Variants in ZNF423 observed in about 807,000 individuals in gnomAD.
The protein encoded by ZNF423 is Ebf-associated zinc finger protein.
A neutral mutation model predicts 95.8 loss-of-function variants in ZNF423; 12 were observed. That is an observed-to-expected ratio of 0.13 (90% CI 0.08 to 0.20). The LOEUF (loss-of-function observed/expected upper bound fraction) is 0.20, where lower values mean the gene tolerates loss of function less well. Ranked by LOEUF, ZNF423 falls within the 10% of genes least tolerant of loss-of-function variation. The probability of loss-of-function intolerance (pLI) is 1.00; values close to 1 mark genes in which losing one functional copy is unlikely to be tolerated. For missense variants in ZNF423, 1,316 were observed against 1,737.1 expected (o/e 0.76, Z 4.31); for synonymous variants, 749 against 711.9 (o/e 1.05, Z -0.83).
intron 1 of ZNF423, among the ~76,000 whole-genome samples, chr16:49,826,552 C>A (rs2035007116): frequency 6.6e-6 from 1 of 152,176 alleles, no homozygotes; most frequent in African/African-American, 2.4e-5. Flanking sequence ...TAACCCTGTT[C>A]CTTGCCTGTG....
At chr16:49,696,310 T>C (rs1359754634) in intron 3 of ZNF423, among the ~76,000 whole-genome samples, 1 of 152,050 alleles carries the variant, frequency 6.6e-6, no homozygotes, top group Non-Finnish European at 1.5e-5. Flanking sequence ...TCCTCATACA[T>C]GGGGTATTAT....
At chr16:49,678,932 A>C (rs777528409) in intron 3 of ZNF423, among the ~76,000 whole-genome samples, 1 of 152,210 alleles carries the variant, frequency 6.6e-6, no homozygotes, top group Non-Finnish European at 1.5e-5. Context: ...GCACTGGCTC[A>C]CAACACCAGC....
chr16:49,563,939 T>C (rs1385993471), intron 5 of ZNF423, among the ~76,000 whole-genome samples: 1 of 152,224 alleles, frequency 6.6e-6, no homozygotes, highest in Non-Finnish European at 1.5e-5. Flanking sequence ...TGGGCCAAGG[T>C]CATGCACAGC....
chr16:49,580,806 G>A (rs761283414), intron 5 of ZNF423, among the ~76,000 whole-genome samples: 36 of 152,192 alleles, frequency 2.4e-4, no homozygotes, highest in Non-Finnish European at 4.0e-4. Flanking sequence ...TGCTTCCAAC[G>A]AGCAGGCAGC....
intron 1 of ZNF423, among the ~76,000 whole-genome samples, chr16:49,817,433 G>C (rs1164930058): frequency 6.6e-6 from 1 of 152,208 alleles, no homozygotes; most frequent in Non-Finnish European, 1.5e-5. Flanking sequence ...CCAGATGAGG[G>C]TCTGGAAAGG....
intron 3 of ZNF423, among the ~76,000 whole-genome samples, chr16:49,648,301 A>G (rs190245460): frequency 7.7e-4 from 117 of 152,306 alleles, no homozygotes; most frequent in Non-Finnish European, 1.4e-3. Flanking sequence ...TGTGGAAGGT[A>G]TGGGCTGGTT....
In ZNF423 at chr16:49,657,727, C is replaced by T. The variant is rs115031985; in HGVS notation, c.302-18853G>A. On this transcript the variant is annotated intron_variant, in intron 3 of 7. Coordinates refer to ENST00000563137, the MANE Select transcript of ZNF423 (RefSeq NM_001379286.1). ...GGCCTTTCCCTGGCCCTGTCTCCTCCGTCCTACTTCCTGGGAGTGCCTCCT... is the reference window on the plus strand; with the variant it reads ...GGCCTTTCCCTGGCCCTGTCTCCTCTGTCCTACTTCCTGGGAGTGCCTCCT... Among the ~76,000 whole-genome samples, 170 of 152,342 alleles carry T rather than the reference C, an allele frequency of 1.1e-3. 1 individual carries two copies. Among genetic ancestry groups the T allele is most frequent in the African/African-American group, 3.5e-3 (144 of 41,582 alleles).
At chr16:49,500,252 T>C (rs1439692472) in intron 7 of ZNF423, among the ~76,000 whole-genome samples, 1 of 152,074 alleles carries the variant, frequency 6.6e-6, no homozygotes, top group Non-Finnish European at 1.5e-5. Context: ...CTAAGCCCCT[T>C]GGGGACAGGG....
At chr16:49,646,329 C>T (rs1347213700) in intron 3 of ZNF423, among the ~76,000 whole-genome samples, 1 of 152,150 alleles carries the variant, frequency 6.6e-6, no homozygotes, top group Non-Finnish European at 1.5e-5. Flanking sequence ...GGGCATATTC[C>T]TGATCACTTC....
intron 1 of ZNF423, among the ~76,000 whole-genome samples, chr16:49,798,088 T>C (rs2034527125): frequency 6.6e-6 from 1 of 152,182 alleles, no homozygotes; most frequent in Admixed American, 6.5e-5. Context: ...TATGTGCCTG[T>C]CATCCCAGCA....
intron 1 of ZNF423, among the ~76,000 whole-genome samples, chr16:49,798,171 C>T (rs1301728849): frequency 1.7e-4 from 26 of 152,322 alleles, no homozygotes; most frequent in South Asian, 6.2e-4. Context: ...GATCACATCA[C>T]TGCACTTCAG....
intron 2 of ZNF423, among the ~76,000 whole-genome samples, chr16:49,736,334 C>A (rs139242550): frequency 6.6e-5 from 10 of 152,282 alleles, no homozygotes; most frequent in African/African-American, 1.9e-4. Context: ...CCTGTCCTGC[C>A]AGCTTCTTCC....
intron 5 of ZNF423, among the ~76,000 whole-genome samples, chr16:49,588,001 C>G (rs1970896582): frequency 6.6e-6 from 1 of 152,174 alleles, no homozygotes; most frequent in Admixed American, 6.5e-5. Flanking sequence ...GGAATTTGCA[C>G]ATCTATGTGT....
At chr16:49,510,163 C>T (rs1307032343) in intron 7 of ZNF423, among the ~76,000 whole-genome samples, 2 of 152,234 alleles carry the variant, frequency 1.3e-5, no homozygotes, top group African/African-American at 2.4e-5. Context: ...ATGTTGCCTC[C>T]TCCATGTGGC....
At chr16:49,809,506 G>T (rs775207662) in intron 1 of ZNF423, among the ~76,000 whole-genome samples, 76 of 152,162 alleles carry the variant, frequency 5.0e-4, no homozygotes, top group Non-Finnish European at 9.1e-4. Context: ...TGTGTGTAGT[G>T]GAACTCACAC....
intron 3 of ZNF423, among the ~76,000 whole-genome samples, chr16:49,639,717 G>T (rs1972904514): frequency 6.6e-6 from 1 of 152,190 alleles, no homozygotes. Flanking sequence ...GACCCAGGCG[G>T]ACCCTTAACC....
chr16:49,855,024 T>G lies in ZNF423; in HGVS notation c.40+711A>C. 1 of 983,862 alleles carries G rather than the reference T, an allele frequency of 1.0e-6. No homozygotes were observed. Among genetic ancestry groups the G allele is most frequent in the Non-Finnish European group, 1.2e-6 (1 of 829,500 alleles). The allele number at this position is 983,862 out of a possible 1,614,324, so 60.9% of individuals were successfully genotyped here. ...CGCTGAGCTCCCCTGAGGACCTGCG[T>G]CCCGCCGGCGCCGTGCAGACAATGA... On this transcript the variant is annotated intron_variant, in intron 1 of 7. Coordinates refer to ENST00000563137, the MANE Select transcript of ZNF423 (RefSeq NM_001379286.1). The surrounding 1 kb of genome is among the most constrained non-coding windows in gnomAD (Gnocchi z 4.7).
At chr16:49,803,853 A>G (rs971362311) in intron 1 of ZNF423, among the ~76,000 whole-genome samples, 1 of 151,730 alleles carries the variant, frequency 6.6e-6, no homozygotes, top group Non-Finnish European at 1.5e-5. Context: ...GCAGAGCTCA[A>G]GGTGGGGTCT....
intron 5 of ZNF423, among the ~76,000 whole-genome samples, chr16:49,570,166 T>C (rs767021936): frequency 3.9e-5 from 6 of 152,256 alleles, no homozygotes; most frequent in African/African-American, 7.2e-5. Flanking sequence ...AAAGGACTTC[T>C]AATCTGGCTC....
Sources: gnomAD v4.1 joint callset for allele counts (sites outside exome capture counted in the v4.1 genomes callset) on GRCh38, gnomAD v4.1.1 for gene constraint, Gnocchi (gnomAD v3.1) non-coding constraint, MANE v1.5 for transcripts, NCBI Gene and HGNC (gene_info 2026-07-23, HGNC 2026-07-21) for gene names.